AVEN: variants seen among roughly 807,000 people sequenced by gnomAD.
AVEN encodes the protein apoptosis and caspase activation inhibitor.
In AVEN, 41 loss-of-function variants were observed where a neutral mutation model predicts 38.1. The ratio of observed to expected loss-of-function variants is 1.08; its 90% CI spans 0.84 to 1.40. AVEN has a LOEUF of 1.40. Ranked by LOEUF, AVEN falls within the 40% of genes most tolerant of loss-of-function variation. The pLI is 0.00. For missense variants in AVEN, 605 were observed against 438.8 expected (o/e 1.38, Z -3.38); for synonymous variants, 206 against 171.8 (o/e 1.20, Z -1.56).
chr15:33,922,661 G>A (rs1024403380), intron 2 of AVEN, among the ~76,000 whole-genome samples: 2 of 152,036 alleles, frequency 1.3e-5, no homozygotes, highest in Admixed American at 1.3e-4. Context: ...TGGACTCCTG[G>A]CTTCAGATCC....
intron 2 of AVEN, among the ~76,000 whole-genome samples, chr15:33,963,992 T>A (rs1406423268): frequency 6.6e-6 from 1 of 151,784 alleles, no homozygotes; most frequent in East Asian, 1.9e-4. Flanking sequence ...ACTCCAGTCA[T>A]TAGGATCTAA....
chr15:33,858,012 G>A, downstream of AVEN: 1 of 1,476,480 alleles, frequency 6.8e-7, no homozygotes, highest in African/African-American at 1.4e-5. Context: ...GTGCTCTTGA[G>A]AACTGTAGAG....
At chr15:34,021,465 A>G (rs965069259) in intron 1 of AVEN, among the ~76,000 whole-genome samples, 3 of 151,834 alleles carry the variant, frequency 2.0e-5, no homozygotes, top group Non-Finnish European at 2.9e-5. Context: ...TTGTATTTTT[A>G]GTATATACGG....
chr15:34,029,672 T>C (rs560398963), intron 1 of AVEN, among the ~76,000 whole-genome samples: 35 of 151,854 alleles, frequency 2.3e-4, no homozygotes, highest in Admixed American at 2.3e-3. Context: ...CAAGGGAAAA[T>C]AGGAAGCCAA....
At chr15:34,024,855 C>T (rs1436814859) in intron 1 of AVEN, among the ~76,000 whole-genome samples, 1 of 97,056 alleles carries the variant, frequency 1.0e-5, no homozygotes, top group Non-Finnish European at 2.7e-5. Flanking sequence ...AGCAAGACTC[C>T]TTCTCAAAAA....
intron 2 of AVEN, among the ~76,000 whole-genome samples, chr15:33,914,188 T>C (rs889112531): frequency 6.6e-6 from 1 of 151,992 alleles, no homozygotes; most frequent in African/African-American, 2.4e-5. Context: ...TGAGCTCTTT[T>C]ACAGTGGTTT....
Position 33,867,722 on chromosome 15 carries a change from G to A in AVEN, c.746C>T (p.Ala249Val). ...TTTGCCCAGCAACACAGGGCAGCCA[G>A]CAGCCACAGATTTCAGCTCAAAGAT... ...GPIFELKSVA[A>V]GCPVLLGKDN... Residue 249 changes from alanine to valine, a missense_variant, in exon 5 of 6, where the codon GCT (alanine) becomes GTT (valine). By Grantham distance (64) the Ala-to-Val change is moderately conservative. Transcript: ENST00000306730. 6.2e-7 allele frequency: 1 copy of A among 1,614,170 alleles called. No individual in the cohort carries two copies. The highest frequency in any genetic ancestry group is 8.5e-7 in the Non-Finnish European group (1 of 1,180,020).
chr15:33,864,993 C>T (rs1223849272), downstream of AVEN: 1 of 624,862 alleles, frequency 1.6e-6, no homozygotes, highest in Non-Finnish European at 2.8e-6. Context: ...GGGAATAGAG[C>T]AAGAATGAAT....
intron 1 of AVEN, among the ~76,000 whole-genome samples, chr15:34,019,691 T>G (rs183149268): frequency 7.0e-4 from 107 of 152,348 alleles, no homozygotes; most frequent in Admixed American, 3.6e-3. Flanking sequence ...GTGATATAAC[T>G]GTCTACAGTA....
intron 2 of AVEN, among the ~76,000 whole-genome samples, chr15:33,914,344 G>C (rs961965866): frequency 2.0e-5 from 3 of 152,090 alleles, no homozygotes; most frequent in African/African-American, 7.2e-5. Flanking sequence ...GCGCACAGAT[G>C]CCAAAGAAGT....
the AVEN span, chr15:33,853,461 GC>G: frequency 6.9e-7 from 1 of 1,453,134 alleles, no homozygotes; most frequent in Non-Finnish European, 9.2e-7. Flanking sequence ...TTGGAAGATT[GC>G]CCATAGGGCA....
At chr15:33,988,716 C>T (rs980224291) in intron 2 of AVEN, among the ~76,000 whole-genome samples, 1 of 152,158 alleles carries the variant, frequency 6.6e-6, no homozygotes, top group Non-Finnish European at 1.5e-5. Context: ...GTAGAATTAT[C>T]GCAAAATTAA....
chr15:33,862,066 TAAAAC>T (rs769567422), downstream of AVEN, among the ~76,000 whole-genome samples: 33 of 152,168 alleles, frequency 2.2e-4, no homozygotes, highest in Admixed American at 1.0e-3. Context: ...CTATAAAACT[TAAAAC>T]AGAATGTATA....
chr15:33,865,354 C>CTGAAAATCTGTGCTATTTTGAAAT (rs1452044639), downstream of AVEN: 32 of 667,108 alleles, frequency 4.8e-5, no homozygotes, highest in East Asian at 8.3e-4. Context: ...AAAAAAACTG[C>CTGAAAATCTGTGCTATTTTGAAAT]TGAAAATCTG....
At position 34,038,912 on chromosome 15, in the gene AVEN, CCCGCCGCCGCCTCCG is replaced by C; in HGVS notation, c.120_134del (p.Gly41_Gly45del). ...CACGGCCCCGGCGTCCGCCTCCGTC[CCCGCCGCCGCCTCCG>C]CCGCCGCCTCTGGCTACCGCCGCTG... On this transcript the variant is annotated inframe_deletion, in exon 1 of 6. Coordinates refer to ENST00000306730, the MANE Select transcript of AVEN (RefSeq NM_020371.3). 3 of 1,111,808 alleles carry C rather than the reference CCCGCCGCCGCCTCCG, an allele frequency of 2.7e-6. No homozygotes were observed. Among genetic ancestry groups the C allele is most frequent in the South Asian group, 4.2e-5 (1 of 23,828 alleles). The allele number at this position is 1,111,808 out of a possible 1,614,324, so 68.9% of individuals were successfully genotyped here. A position where few individuals can be genotyped will look rare whatever the true frequency, so the allele number is the denominator to read the frequency against.
intron 1 of AVEN, among the ~76,000 whole-genome samples, chr15:34,010,466 AG>A (rs1409622325): frequency 5.9e-5 from 9 of 152,170 alleles, no homozygotes; most frequent in African/African-American, 1.7e-4. Context: ...TCCTATTTAA[AG>A]CCTTTTATGT....
At chr15:33,890,338 G>A (rs541208795) in intron 2 of AVEN, among the ~76,000 whole-genome samples, 16 of 152,254 alleles carry the variant, frequency 1.1e-4, no homozygotes, top group African/African-American at 3.9e-4. Context: ...GCGGTGCCTG[G>A]CACACAGTAG....
chr15:34,075,290 T>G (rs1330800656), upstream of AVEN, among the ~76,000 whole-genome samples: 1 of 151,814 alleles, frequency 6.6e-6, no homozygotes, highest in Non-Finnish European at 1.5e-5. Flanking sequence ...TCAGGAAACT[T>G]ACAATCGCAG....
chr15:34,038,646 T>G, intron 1 of AVEN, 134 bp downstream of exon 1: 1 of 798,558 alleles, frequency 1.3e-6, no homozygotes, highest in Non-Finnish European at 1.6e-6. Context: ...CATCCGCCCG[T>G]CCCGCGCAGG....
Sources: gnomAD v4.1 joint callset for allele counts (sites outside exome capture counted in the v4.1 genomes callset) on GRCh38, gnomAD v4.1.1 for gene constraint, MANE v1.5 for transcripts, NCBI Gene and HGNC (gene_info 2026-07-23, HGNC 2026-07-21) for gene names.